The following STMN4 variants were observed in gnomAD, a reference collection of about 807,000 sequenced individuals.
STMN4 encodes the protein stathmin-4.
STMN4 carries 12 observed loss-of-function variants against 29.1 expected under a neutral mutation model. The ratio of observed to expected loss-of-function variants is 0.41; its 90% confidence interval spans 0.26 to 0.67. The LOEUF (loss-of-function observed/expected upper bound fraction) is 0.67, where lower values mean the gene tolerates loss of function less well. STMN4 is among the 30% of genes least tolerant of loss of function. The pLI is 0.30. For missense variants in STMN4, 181 were observed against 262.8 expected, an observed-to-expected ratio of 0.69 and a Z score of 2.15; for synonymous variants, 114 against 105.3, an observed-to-expected ratio of 1.08 and a Z score of -0.51.
intron 3 of STMN4, chr8:27,242,144 C>A: frequency 1.7e-6 from 1 of 574,948 alleles, no homozygotes; most frequent in Non-Finnish European, 3.1e-6. Context: ...TTGCTGGATG[C>A]ATGCACAGAG....
chr8:27,243,928 C>A (rs566932203), intron 1 of STMN4, 127 bp from the exon 2 acceptor site: 3 of 796,944 alleles, frequency 3.8e-6, no homozygotes, highest in Non-Finnish European at 6.0e-6. Flanking sequence ...CAGGCCCTCT[C>A]CCCACCAACT....
At chr8:27,243,570 A>C in intron 2 of STMN4, 141 bp downstream of exon 2, 1 of 850,582 alleles carries the variant, frequency 1.2e-6, no homozygotes, top group East Asian at 2.5e-5. Context: ...CATGCCCCCA[A>C]GCCTCCCATC....
intron 6 of STMN4, 83 bp downstream of exon 6, chr8:27,239,888 A>T: frequency 6.2e-7 from 1 of 1,606,616 alleles, no homozygotes; most frequent in Non-Finnish European, 8.5e-7. Context: ...CCTCCCTGAG[A>T]TGATCAGCAG....
At chr8:27,243,665 C>G (rs1460214961) in intron 2 of STMN4, 46 bp downstream of exon 2, 6 of 1,586,552 alleles carry the variant, frequency 3.8e-6, no homozygotes, top group Non-Finnish European at 5.2e-6. Flanking sequence ...TGGGTGAGGG[C>G]AGGGGGAATA....
In STMN4 at chr8:27,258,377, T is replaced by G. The variant is rs1258930493; in HGVS notation, c.-105A>C. 6.6e-6 allele frequency: 1 copy of G among 152,246 alleles called. No individual in the cohort carries two copies. Among genetic ancestry groups the G allele is most frequent in the East Asian group, 1.9e-4 (1 of 5,190 alleles). 9.4% of individuals were successfully genotyped at this position (152,246 alleles called of 1,614,324 possible). ...TGCAGTCCAGTTAGAAGCGAGCTGC[T>G]CTCTTCCTCACTCCCTCAATTAGTG... is the stretch of plus-strand genomic sequence containing the variant. On this transcript the variant is annotated 5_prime_UTR_variant, in exon 1 of 7. Coordinates refer to ENST00000350889, the MANE Select transcript of STMN4 (RefSeq NM_030795.4).
chr8:27,257,978 A>T (rs1801991789), intron 1 of STMN4, among the ~76,000 whole-genome samples: 1 of 152,246 alleles, frequency 6.6e-6, no homozygotes, highest in Non-Finnish European at 1.5e-5. Flanking sequence ...AGAGCTTCCC[A>T]CTTGAAAGGG....
At chr8:27,236,989 A>T (rs1004594873) in intron 6 of STMN4, 84 bp from the exon 7 acceptor site, 44 of 1,438,898 alleles carry the variant, frequency 3.1e-5, no homozygotes, top group Admixed American at 1.8e-4. Context: ...GAGAACCAAA[A>T]GCAAAGAGTG....
intron 1 of STMN4, among the ~76,000 whole-genome samples, chr8:27,254,909 A>G (rs932900234): frequency 3.0e-5 from 4 of 135,446 alleles, no homozygotes; most frequent in South Asian, 2.5e-4. Context: ...ATGTGTGTGT[A>G]GGGGATGGAG....
rs989586695 is a variant in STMN4, at chr8:27,236,784, C to T, written c.*62G>A. On this transcript the variant is annotated 3_prime_UTR_variant, in exon 7 of 7. Coordinates refer to ENST00000350889, the MANE Select transcript of STMN4 (RefSeq NM_030795.4). The stretch of plus-strand genomic sequence containing the variant: ...GGAGCGCAGCCGGCGGGCGAGGCTG[C>T]CTGGAACGTGGAGCTGCTGGAGCTG... The T allele has an allele frequency of 4.3e-5, 63 of 1,473,820 alleles. No individual in the cohort carries two copies. The highest frequency in any genetic ancestry group is 2.4e-4 in the Middle Eastern group (1 of 4,194). The allele number at this position is 1,473,820 out of a possible 1,614,324, so 91.3% of individuals were successfully genotyped here.
chr8:27,239,873 T>C, intron 6 of STMN4, 98 bp downstream of exon 6: 2 of 1,594,768 alleles, frequency 1.3e-6, no homozygotes, highest in Non-Finnish European at 1.7e-6. Context: ...TGCCTGAGGC[T>C]GCTTCCTCCC....
intron 1 of STMN4, among the ~76,000 whole-genome samples, chr8:27,248,332 A>G (rs1161510961): frequency 2.0e-5 from 3 of 152,188 alleles, no homozygotes; most frequent in Non-Finnish European, 4.4e-5. Context: ...TGAGGTTACT[A>G]TGCAATTGAG....
At chr8:27,247,739 G>T (rs957807102) in intron 1 of STMN4, among the ~76,000 whole-genome samples, 1 of 152,200 alleles carries the variant, frequency 6.6e-6, no homozygotes, top group African/African-American at 2.4e-5. Context: ...CAGGGATTCA[G>T]GTGGCATGAT....
At chr8:27,247,204 G>A (rs996474165) in intron 1 of STMN4, among the ~76,000 whole-genome samples, 6 of 143,688 alleles carry the variant, frequency 4.2e-5, no homozygotes, top group Admixed American at 7.2e-5. Context: ...GCAGTGAGCC[G>A]AGATCGCGCC....
chr8:27,241,849 T>G, intron 3 of STMN4, 92 bp from the exon 4 acceptor site: 1 of 1,477,006 alleles, frequency 6.8e-7, no homozygotes, highest in Non-Finnish European at 9.5e-7. Context: ...AACCAGGACA[T>G]TAGGAGGTGA....
chr8:27,240,826 T>C (rs962695276), intron 5 of STMN4, among the ~76,000 whole-genome samples: 2 of 152,176 alleles, frequency 1.3e-5, no homozygotes, highest in African/African-American at 2.4e-5. Flanking sequence ...TGGAGGAACA[T>C]AGCAATGTCC....
At chr8:27,254,436 C>T (rs1479349872) in intron 1 of STMN4, among the ~76,000 whole-genome samples, 2 of 152,230 alleles carry the variant, frequency 1.3e-5, no homozygotes, top group Non-Finnish European at 2.9e-5. Context: ...GGCCATCCAG[C>T]CCCAGGCTCC....
chr8:27,247,254 CAA>C (rs150260843), intron 1 of STMN4, among the ~76,000 whole-genome samples: 33 of 107,744 alleles, frequency 3.1e-4, no homozygotes, highest in Non-Finnish European at 2.4e-4. Context: ...GACTTTGTCT[CAA>C]AAAAAAAAAA....
rs1000505085 is a variant in STMN4 at position 27,235,690 on chromosome 8, C to T, written c.*1156G>A. 1 of 152,184 alleles carries T rather than the reference C, an allele frequency of 6.6e-6. No homozygotes were observed. Among genetic ancestry groups the T allele is most frequent in the African/African-American group, 2.4e-5 (1 of 41,428 alleles). 9.4% of individuals were successfully genotyped at this position (152,184 alleles called of 1,614,324 possible). A position where few individuals can be genotyped will look rare whatever the true frequency, so the allele number is the denominator to read the frequency against. ...GACACTACAGAATTAAGAGATAGGG[C>T]CTTAAGAGGTGAGATCATGAGGACT... is the stretch of plus-strand genomic sequence containing the variant. On this transcript the variant is annotated 3_prime_UTR_variant, in exon 7 of 7. Transcript: ENST00000350889.
intron 1 of STMN4, among the ~76,000 whole-genome samples, chr8:27,246,926 AC>A (rs1487271769): frequency 6.6e-6 from 1 of 152,170 alleles, no homozygotes; most frequent in Non-Finnish European, 1.5e-5. Context: ...CACCTCAGGT[AC>A]CAGCATTCAT....
Sources: gnomAD v4.1 joint callset for allele counts (sites outside exome capture counted in the v4.1 genomes callset) on GRCh38, gnomAD v4.1.1 for gene constraint, MANE v1.5 for transcripts, NCBI Gene and HGNC (gene_info 2026-07-23, HGNC 2026-07-21) for gene names.